The following TIAL1 variants were observed in gnomAD, a reference collection of about 807,000 sequenced individuals.
TIAL1 encodes TIA1 cytotoxic granule associated RNA binding protein like 1, also known as nucleolysin TIAR.
In TIAL1, 7 loss-of-function variants were observed where a neutral mutation model predicts 59.7. That is an observed-to-expected ratio of 0.12 (90% CI 0.07 to 0.22). TIAL1 has a LOEUF of 0.22. TIAL1 is among the 10% of genes least tolerant of loss of function. TIAL1 has a pLI of 1.00. For missense variants in TIAL1, 225 were observed against 462.5 expected, an observed-to-expected ratio of 0.49 and a Z score of 4.71; for synonymous variants, 149 against 146.3, an observed-to-expected ratio of 1.02 and a Z score of -0.13.
intron 1 of TIAL1, chr10:119,592,022 C>T (rs188442200): frequency 2.6e-5 from 4 of 152,238 alleles, no homozygotes; most frequent in East Asian, 3.9e-4. Flanking sequence ...CATCTTTATT[C>T]GTTCCAAATT....
At chr10:119,587,860 A>T (rs1845648922) in intron 2 of TIAL1, among the ~76,000 whole-genome samples, 1 of 152,208 alleles carries the variant, frequency 6.6e-6, no homozygotes, top group Non-Finnish European at 1.5e-5. Context: ...TGTATGAAAT[A>T]CTTTCCAATT....
At chr10:119,576,206 A>G (rs1180751906) in intron 11 of TIAL1, among the ~76,000 whole-genome samples, 2 of 151,496 alleles carry the variant, frequency 1.3e-5, no homozygotes, top group Non-Finnish European at 2.9e-5. Flanking sequence ...ACAAAAGAAA[A>G]AAAAAAAAAA....
rs1290419838 is a variant in TIAL1, at chr10:119,579,916, T to C, written c.447+19A>G. 20 of 1,560,946 alleles carry C rather than the reference T, an allele frequency of 1.3e-5. No individual in the cohort carries two copies. The highest frequency in any genetic ancestry group is 1.6e-5 in the Non-Finnish European group (18 of 1,157,954). On this transcript the variant is annotated intron_variant, in intron 6 of 11. Coordinates refer to ENST00000436547, the MANE Select transcript of TIAL1 (RefSeq NM_003252.4). ...TAAATTTAGTATTAAAAAATATAAATTGAGATGGAAGAACGTACCAGTTTG... is the reference window on the plus strand; with the variant it reads ...TAAATTTAGTATTAAAAAATATAAACTGAGATGGAAGAACGTACCAGTTTG...
intron 1 of TIAL1, among the ~76,000 whole-genome samples, chr10:119,589,735 G>C (rs1044492102): frequency 6.6e-6 from 1 of 152,010 alleles, no homozygotes; most frequent in African/African-American, 2.4e-5. Flanking sequence ...GGACCACCTT[G>C]GTTTATGTCT....
chr10:119,574,438 G>C lies in TIAL1; in HGVS notation c.*1227C>G, dbSNP rs1401016788. On this transcript the variant is annotated 3_prime_UTR_variant, in exon 12 of 12. Transcript: ENST00000436547. ...TAAATAAGATGTTTTTAGCAATCTT[G>C]TTAAAAAAATTCTTGGGCAAAATAT... 6.6e-6 allele frequency: 1 copy of C among 152,100 alleles called. No individual in the cohort carries two copies. Among genetic ancestry groups the C allele is most frequent in the Non-Finnish European group, 1.5e-5 (1 of 67,938 alleles). The allele number at this position is 152,100 out of a possible 1,614,324, so 9.4% of individuals were successfully genotyped here.
In TIAL1 at chr10:119,582,320, G is replaced by A; in HGVS notation, c.229-97C>T. The A allele has an allele frequency of 6.8e-7, 1 of 1,469,452 alleles. No individual in the cohort carries two copies. Among genetic ancestry groups the A allele is most frequent in the Non-Finnish European group, 9.2e-7 (1 of 1,090,574 alleles). The allele number at this position is 1,469,452 out of a possible 1,614,324, so 91.0% of individuals were successfully genotyped here. ...TCATTTATCAAGCAGGGTTATTTTTGTAAAAGCACTAAGCTGAATAAAGCA... is the reference window on the plus strand; with the variant it reads ...TCATTTATCAAGCAGGGTTATTTTTATAAAAGCACTAAGCTGAATAAAGCA... On this transcript the variant is annotated intron_variant, in intron 3 of 11. Transcript: ENST00000436547. This position sits in a 1 kb window ranked among gnomAD's most constrained non-coding sequence, Gnocchi z 5.1.
chr10:119,576,588 C>T, intron 11 of TIAL1, 23 bp downstream of exon 11: 1 of 1,610,460 alleles, frequency 6.2e-7, no homozygotes, highest in Non-Finnish European at 8.5e-7. Flanking sequence ...CGTTTCTATA[C>T]TGGAAAAACC....
At chr10:119,578,685 TGAA>T (rs1845153486) in intron 7 of TIAL1, 38 bp downstream of exon 7, 1 of 1,469,240 alleles carries the variant, frequency 6.8e-7, no homozygotes, top group African/African-American at 1.4e-5. Context: ...CATGATTTTG[TGAA>T]GAATATAATT....
chr10:119,586,591 C>A (rs1394188275), intron 2 of TIAL1, among the ~76,000 whole-genome samples: 1 of 152,156 alleles, frequency 6.6e-6, no homozygotes, highest in African/African-American at 2.4e-5. Context: ...CCTGCTTAAG[C>A]CCCTCCACTG....
In TIAL1 at chr10:119,596,500, GA is replaced by G; in HGVS notation, c.-36del. 1.4e-6 allele frequency: 2 copies of G among 1,460,122 alleles called. No homozygotes were observed. 90.4% of individuals were successfully genotyped at this position (1,460,122 alleles called of 1,614,324 possible). A position where few individuals can be genotyped will look rare whatever the true frequency, so the allele number is the denominator to read the frequency against. On this transcript the variant is annotated 5_prime_UTR_variant, in exon 1 of 12. Transcript: ENST00000436547. ...GACGGAGCGATCCCGGGACAAGGGGGAGGGCAGGGTTGGGGAGGGGAGGGGG... is the reference window on the plus strand; with the variant it reads ...GACGGAGCGATCCCGGGACAAGGGGGGGGCAGGGTTGGGGAGGGGAGGGGG...
rs766711922 is a variant in TIAL1, at chr10:119,575,071, T to TC, written c.*593dup. 79 of 152,802 alleles carry TC rather than the reference T, an allele frequency of 5.2e-4. No homozygotes were observed. Among genetic ancestry groups the TC allele is most frequent in the Non-Finnish European group, 4.7e-4 (32 of 68,068 alleles). The allele number at this position is 152,802 out of a possible 1,614,324, so 9.5% of individuals were successfully genotyped here. A position where few individuals can be genotyped will look rare whatever the true frequency, so the allele number is the denominator to read the frequency against. ...GCTCAAGTAACTCAAACAATGCTGTTCCTTTTTTAGGGTGCAAAACTTCAG... is the reference window on the plus strand; with the variant it reads ...GCTCAAGTAACTCAAACAATGCTGTTCCCTTTTTTAGGGTGCAAAACTTCAG... On this transcript the variant is annotated 3_prime_UTR_variant, in exon 12 of 12. Coordinates refer to ENST00000436547, the MANE Select transcript of TIAL1 (RefSeq NM_003252.4).
chr10:119,579,609 A>G (rs1329554553), intron 6 of TIAL1, among the ~76,000 whole-genome samples: 1 of 152,220 alleles, frequency 6.6e-6, no homozygotes, highest in African/African-American at 2.4e-5. Flanking sequence ...AAAACTGAAT[A>G]TAATTTACCT....
Position 119,575,605 on chromosome 10 carries a change from CAG to C in TIAL1, c.*58_*59del, listed in dbSNP as rs937079808. ...TTTCCGATGTCTACTTTCATGTCTT[CAG>C]AGTGTCACAGGAAATCGAAGCCTAT... On this transcript the variant is annotated 3_prime_UTR_variant, in exon 12 of 12. Coordinates refer to ENST00000436547, the MANE Select transcript of TIAL1 (RefSeq NM_003252.4). The C allele has an allele frequency of 3.8e-6, 6 of 1,591,036 alleles. No homozygotes were observed. In the South Asian group the frequency reaches 6.7e-5, roughly 18 times the overall value.
chr10:119,582,590 C>A lies in TIAL1; in HGVS notation c.130-33G>T. 6.2e-7 allele frequency: 1 copy of A among 1,602,402 alleles called. No individual in the cohort carries two copies. Among genetic ancestry groups the A allele is most frequent in the Non-Finnish European group, 8.5e-7 (1 of 1,176,106 alleles). On this transcript the variant is annotated intron_variant, in intron 2 of 11. Coordinates refer to ENST00000436547, the MANE Select transcript of TIAL1 (RefSeq NM_003252.4). The surrounding 1 kb of genome is among the most constrained non-coding windows in gnomAD (Gnocchi z 5.1). ...ACAGAAAATCCAACAGAAGAGTTGA[C>A]CCTTCTGCTATCGGGTTGCTGAGAA...
Position 119,588,196 on chromosome 10 carries a change from A to G in TIAL1, c.85T>C (p.Phe29Leu). The G allele has an allele frequency of 6.3e-7, 1 of 1,599,968 alleles. No homozygotes were observed. Among genetic ancestry groups the G allele is most frequent in the Non-Finnish European group, 8.5e-7 (1 of 1,171,676 alleles). The change falls in exon 2 of 12, where the codon TTC becomes CTC. Residue 29 changes from phenylalanine (F) to leucine (L), a missense_variant. Physicochemically the swap from Phe to Leu is conservative, Grantham distance 22 (BLOSUM62 0). Coordinates refer to ENST00000436547, the MANE Select transcript of TIAL1 (RefSeq NM_003252.4). ...DVTEVLILQL[F>L]SQIGPCKSCK... Reference sequence around the variant, plus strand: ...CTTTTACAGGGTCCAATCTGACTGAACAACTGAAGTATAAGGACTTCTGTC... The same window carrying G: ...CTTTTACAGGGTCCAATCTGACTGAGCAACTGAAGTATAAGGACTTCTGTC...
At chr10:119,581,781 C>G in intron 5 of TIAL1, 141 bp downstream of exon 5, 1 of 702,216 alleles carries the variant, frequency 1.4e-6, no homozygotes, top group South Asian at 2.4e-5. Context: ...CTACTCAAAA[C>G]AAACCAAAAT....
rs576364664 is a variant in TIAL1, at chr10:119,585,545, T to C, written c.129+2607A>G. On this transcript the variant is annotated intron_variant, in intron 2 of 11. Transcript: ENST00000436547. ...ACATAAATGTCAAGACAGAGAAATA[T>C]GAGACTTTACAAGCTCAAATCTAGG... 1.4e-4 allele frequency among the ~76,000 whole-genome samples: 22 copies of C among 152,302 alleles called. No individual in the cohort carries two copies. In the South Asian group the frequency reaches 4.3e-3, roughly 30 times the overall value.
chr10:119,577,817 G>C (rs1215707924), intron 7 of TIAL1, 81 bp from the exon 8 acceptor site: 2 of 1,282,002 alleles, frequency 1.6e-6, no homozygotes, highest in Non-Finnish European at 2.2e-6. Context: ...ATACTATTAA[G>C]ATATGCCTCA....
rs556057453 is a variant in TIAL1, at chr10:119,583,272, T to C, written c.130-715A>G. Among the ~76,000 whole-genome samples the C allele has an allele frequency of 3.2e-4, 48 of 152,250 alleles. 1 individual carries two copies. Among genetic ancestry groups the C allele is most frequent in the African/African-American group, 1.1e-3 (47 of 41,562 alleles). ...TGATCAAGAAAAGAGGTTCTGAAAA[T>C]GTATCTGAATAAAATATTCCAAGAC... On this transcript the variant is annotated intron_variant, in intron 2 of 11. Transcript: ENST00000436547.
Sources: gnomAD v4.1 joint callset for allele counts (sites outside exome capture counted in the v4.1 genomes callset) on GRCh38, gnomAD v4.1.1 for gene constraint, Gnocchi (gnomAD v3.1) non-coding constraint, MANE v1.5 for transcripts, NCBI Gene and HGNC (gene_info 2026-07-23, HGNC 2026-07-21) for gene names.